Variants in PCDHGB3 observed in about 807,000 individuals in gnomAD.
PCDHGB3 encodes protocadherin gamma-B3.
Under a neutral mutation model 59.2 loss-of-function variants are expected in PCDHGB3, and 40 were observed. The ratio of observed to expected loss-of-function variants is 0.68; its 90% CI spans 0.52 to 0.88. PCDHGB3 has a LOEUF of 0.88. PCDHGB3 is among the 40% of genes least tolerant of loss of function. The pLI is 0.00. For missense variants in PCDHGB3, 1,309 were observed against 1,187.9 expected (o/e 1.10, Z -1.50); for synonymous variants, 581 against 503.6 (o/e 1.15, Z -2.06).
At position 141,476,326 on chromosome 5, in the gene PCDHGB3, T is replaced by A. The variant is rs752845438; in HGVS notation, c.2416-18481T>A. Reference sequence around the variant, plus strand: ...CAGCCCGCAGGTTCCGGGTGGTGTCTGGAGCTAGCCGAAGATTCTTTGAGG... The same window carrying A: ...CAGCCCGCAGGTTCCGGGTGGTGTCAGGAGCTAGCCGAAGATTCTTTGAGG... On this transcript the variant is annotated intron_variant, in intron 1 of 3. Coordinates refer to ENST00000576222, the MANE Select transcript of PCDHGB3 (RefSeq NM_018924.5). This position sits in a 1 kb window ranked among gnomAD's most constrained non-coding sequence, Gnocchi z 7.6. The A allele has an allele frequency of 6.2e-7, 1 of 1,614,120 alleles. No individual in the cohort carries two copies. Among genetic ancestry groups the A allele is most frequent in the Non-Finnish European group, 8.5e-7 (1 of 1,180,034 alleles).
intron 1 of PCDHGB3, chr5:141,382,938 C>G (rs1778602174): frequency 6.3e-7 from 1 of 1,592,964 alleles, no homozygotes; most frequent in Admixed American, 1.7e-5. Context: ...ACAGAGGATT[C>G]TTCCTGCTCT....
At chr5:141,418,403 G>T in intron 1 of PCDHGB3, 1 of 1,614,000 alleles carries the variant, frequency 6.2e-7, no homozygotes. Context: ...CTCATTGGTG[G>T]AGAAAGACAA....
chr5:141,413,838 G>A, intron 1 of PCDHGB3: 1 of 1,613,284 alleles, frequency 6.2e-7, no homozygotes, highest in Non-Finnish European at 8.5e-7. Context: ...CCTCCGACGG[G>A]GGTGACCCTC....
At chr5:141,478,189 C>T (rs774322691) in intron 1 of PCDHGB3, 1 of 1,614,020 alleles carries the variant, frequency 6.2e-7, no homozygotes, top group South Asian at 1.1e-5. Context: ...AAAATCTCAC[C>T]TTTTATCTAC....
intron 1 of PCDHGB3, among the ~76,000 whole-genome samples, chr5:141,449,588 CAAAAAAAA>C (rs768743917): frequency 1.7e-5 from 1 of 57,492 alleles, no homozygotes; most frequent in South Asian, 6.3e-4. Context: ...GACTCTGTCT[CAAAAAAAA>C]AAAAAAAAAA....
Position 141,376,680 on chromosome 5 carries a change from T to TTTTTTTTTGTTTTG in PCDHGB3, c.2415+3879_2415+3880insGTTTTGTTTTTTTT, listed in dbSNP as rs1431701982. ...CCTTGTTCAGGTGAGGGTATCGTTT[T>TTTTTTTTTGTTTTG]TTTTTTTTTTTTTTTTTGAGACGGA... On this transcript the variant is annotated intron_variant, in intron 1 of 3. Transcript: ENST00000576222. The TTTTTTTTTGTTTTG allele has an allele frequency of 6.0e-6, 4 of 666,834 alleles. No individual in the cohort carries two copies. In the African/African-American group the frequency reaches 8.2e-5, roughly 14 times the overall value. The allele number at this position is 666,834 out of a possible 1,614,324, so 41.3% of individuals were successfully genotyped here.
chr5:141,375,028 T>G (rs775365002), intron 1 of PCDHGB3: 2 of 1,613,924 alleles, frequency 1.2e-6, no homozygotes, highest in Admixed American at 1.7e-5. Flanking sequence ...CGAGTTTTTA[T>G]GAGCTGGGTG....
intron 1 of PCDHGB3, chr5:141,404,757 C>T (rs759444247): frequency 3.1e-6 from 5 of 1,613,918 alleles, no homozygotes; most frequent in Non-Finnish European, 4.2e-6. Flanking sequence ...GGCCAGAATG[C>T]TTGGCTCTCC....
intron 1 of PCDHGB3, chr5:141,392,908 G>T: frequency 1.2e-6 from 2 of 1,613,852 alleles, no homozygotes; most frequent in African/African-American, 1.3e-5. Context: ...GGACAGATTC[G>T]CTACTCTGTG....
rs201673318 is a variant in PCDHGB3, at chr5:141,421,626, C to G, written c.2415+48817C>G. On this transcript the variant is annotated intron_variant, in intron 1 of 3. Coordinates refer to ENST00000576222, the MANE Select transcript of PCDHGB3 (RefSeq NM_018924.5). ...TAGATATTAATGATAACGCCCCCAG[C>G]TTCCAGGAGGACGAAGTGGAGATAA... 1.9e-6 allele frequency: 3 copies of G among 1,613,842 alleles called. No individual in the cohort carries two copies. In the African/African-American group the frequency reaches 4.0e-5, roughly 21 times the overall value.
chr5:141,430,897 C>T, intron 1 of PCDHGB3: 1 of 1,605,442 alleles, frequency 6.2e-7, no homozygotes, highest in Non-Finnish European at 8.5e-7. Context: ...CTAGGGTGGG[C>T]GACATCTCCA....
At chr5:141,422,546 GGC>G in intron 1 of PCDHGB3, 8 of 1,613,972 alleles carry the variant, frequency 5.0e-6, no homozygotes, top group Non-Finnish European at 6.8e-6. Flanking sequence ...ACTCATGTCT[GGC>G]TGAATGTGGC....
rs753845173 is a variant in PCDHGB3, at chr5:141,490,873, C to T, written c.2416-3934C>T. On this transcript the variant is annotated intron_variant, in intron 1 of 3. Coordinates refer to ENST00000576222, the MANE Select transcript of PCDHGB3 (RefSeq NM_018924.5). The surrounding 1 kb of genome is among the most constrained non-coding windows in gnomAD (Gnocchi z 5.4). Reference sequence around the variant, plus strand: ...TCGAGACTCCGGCTCTCCCCCATTGCATGCCAACACATCTCTGCATGTGTT... The same window carrying T: ...TCGAGACTCCGGCTCTCCCCCATTGTATGCCAACACATCTCTGCATGTGTT... 5.6e-6 allele frequency: 9 copies of T among 1,613,884 alleles called. No homozygotes were observed. The highest frequency in any genetic ancestry group is 7.6e-6 in the Non-Finnish European group (9 of 1,179,908).
rs2099403992 is a variant in PCDHGB3, at chr5:141,477,030, C to T, written c.2416-17777C>T. On this transcript the variant is annotated intron_variant, in intron 1 of 3. Transcript: ENST00000576222. This position sits in a 1 kb window ranked among gnomAD's most constrained non-coding sequence, Gnocchi z 4.9. ...TTAGACCTTGTAACCGGGATGCTGACAATCAAGGGTCGGCTGGACTTCGAG... is the reference window on the plus strand; with the variant it reads ...TTAGACCTTGTAACCGGGATGCTGATAATCAAGGGTCGGCTGGACTTCGAG... The T allele has an allele frequency of 1.2e-6, 2 of 1,614,272 alleles. No homozygotes were observed. The highest frequency in any genetic ancestry group is 1.6e-4 in the Middle Eastern group (1 of 6,062).
chr5:141,401,215 G>A (rs371927686), intron 1 of PCDHGB3, among the ~76,000 whole-genome samples: 9 of 152,158 alleles, frequency 5.9e-5, no homozygotes, highest in African/African-American at 9.6e-5. Context: ...GGTGGCGGGC[G>A]CCTGTAATCC....
At position 141,476,760 on chromosome 5, in the gene PCDHGB3, C is replaced by A; in HGVS notation, c.2416-18047C>A. The A allele has an allele frequency of 6.2e-7, 1 of 1,613,824 alleles. No homozygotes were observed. Among genetic ancestry groups the A allele is most frequent in the Non-Finnish European group, 8.5e-7 (1 of 1,180,010 alleles). On this transcript the variant is annotated intron_variant, in intron 1 of 3. Coordinates refer to ENST00000576222, the MANE Select transcript of PCDHGB3 (RefSeq NM_018924.5). This position sits in a 1 kb window ranked among gnomAD's most constrained non-coding sequence, Gnocchi z 7.6. ...GAGCCTAGTCTCCAGTTAGTGCTGA[C>A]GGCGTTGGACGGAGGGACCCCAGCT...
chr5:141,398,298 C>T (rs746476042), intron 1 of PCDHGB3: 1 of 1,362,258 alleles, frequency 7.3e-7, no homozygotes, highest in South Asian at 1.3e-5. Flanking sequence ...TGGGGTTCAG[C>T]GTCCAGGAGT....
chr5:141,459,260 T>G (rs551625614), intron 1 of PCDHGB3, among the ~76,000 whole-genome samples: 1 of 152,344 alleles, frequency 6.6e-6, no homozygotes, highest in South Asian at 2.1e-4. Flanking sequence ...TAAATTAGTG[T>G]TGCCTCTTTC....
At chr5:141,494,190 G>GAGAA (rs2099752701) in intron 1 of PCDHGB3, among the ~76,000 whole-genome samples, 1 of 152,186 alleles carries the variant, frequency 6.6e-6, no homozygotes, top group Non-Finnish European at 1.5e-5. Flanking sequence ...CCCGGGACTT[G>GAGAA]GATGCCCCGC....
Sources: gnomAD v4.1 joint callset for allele counts (sites outside exome capture counted in the v4.1 genomes callset) on GRCh38, gnomAD v4.1.1 for gene constraint, Gnocchi (gnomAD v3.1) non-coding constraint, MANE v1.5 for transcripts, NCBI Gene and HGNC (gene_info 2026-07-23, HGNC 2026-07-21) for gene names.